Variants in STK32B observed in about 807,000 individuals in gnomAD.
STK32B encodes the protein serine/threonine kinase 32B, also known as serine/threonine-protein kinase 32B.
A neutral mutation model predicts 52.6 loss-of-function variants in STK32B; 43 were observed. The ratio of observed to expected loss-of-function variants is 0.82; its 90% CI spans 0.64 to 1.05. The LOEUF is 1.05. Ranked by LOEUF, STK32B falls within the 50% of genes least tolerant of loss-of-function variation. The pLI is 0.00. For missense variants in STK32B, 621 were observed against 534.6 expected, an observed-to-expected ratio of 1.16 and a Z score of -1.59; for synonymous variants, 238 against 204.3, an observed-to-expected ratio of 1.17 and a Z score of -1.41.
At chr4:5,314,587 T>A (rs1284829754) in intron 3 of STK32B, among the ~76,000 whole-genome samples, 1 of 152,150 alleles carries the variant, frequency 6.6e-6, no homozygotes, top group East Asian at 1.9e-4. Flanking sequence ...GGAGAATCAC[T>A]TGAACCCAGG....
chr4:5,050,110 T>A (rs1741705962), upstream of STK32B, among the ~76,000 whole-genome samples: 1 of 152,216 alleles, frequency 6.6e-6, no homozygotes, highest in Admixed American at 6.5e-5. Flanking sequence ...AGGGGCCAGC[T>A]CTGTGTTCAG....
intron 3 of STK32B, among the ~76,000 whole-genome samples, chr4:5,298,176 C>T (rs1729326962): frequency 6.6e-6 from 1 of 152,170 alleles, no homozygotes; most frequent in South Asian, 2.1e-4. Flanking sequence ...CAGAGGGCCA[C>T]CGGCCAGATG....
At chr4:5,434,418 A>G (rs780097495) in intron 6 of STK32B, among the ~76,000 whole-genome samples, 40 of 147,294 alleles carry the variant, frequency 2.7e-4, no homozygotes, top group Non-Finnish European at 4.0e-4. Flanking sequence ...AGTATATGCT[A>G]TATGTGTGCA....
chr4:5,106,366 A>G (rs1272078118), intron 1 of STK32B, among the ~76,000 whole-genome samples: 1 of 152,176 alleles, frequency 6.6e-6, no homozygotes, highest in African/African-American at 2.4e-5. Context: ...AAATGCTTCT[A>G]AAGTTTTAAC....
intron 4 of STK32B, among the ~76,000 whole-genome samples, chr4:5,361,654 A>C (rs747567110): frequency 5.9e-5 from 9 of 152,322 alleles, no homozygotes; most frequent in Middle Eastern, 3.4e-3. Flanking sequence ...GGCCTATTTC[A>C]ATTTTTTTTG....
chr4:5,213,438 T>G (rs1476314383), intron 3 of STK32B, among the ~76,000 whole-genome samples: 1 of 152,244 alleles, frequency 6.6e-6, no homozygotes, highest in African/African-American at 2.4e-5. Context: ...TCTGTTGGGA[T>G]TGGAGCCTAA....
At chr4:5,474,172 G>T (rs1185341314) in intron 11 of STK32B, among the ~76,000 whole-genome samples, 1 of 152,110 alleles carries the variant, frequency 6.6e-6, no homozygotes, top group Non-Finnish European at 1.5e-5. Context: ...GGCCTCCCTG[G>T]AGAACTCTGG....
intron 8 of STK32B, among the ~76,000 whole-genome samples, chr4:5,459,475 T>G (rs1027101763): frequency 6.6e-6 from 1 of 152,220 alleles, no homozygotes; most frequent in Non-Finnish European, 1.5e-5. Context: ...GGCCTCTGTC[T>G]TTTCATTCTT....
chr4:5,292,660 A>G (rs982785086), intron 3 of STK32B, among the ~76,000 whole-genome samples: 3 of 151,942 alleles, frequency 2.0e-5, no homozygotes, highest in Non-Finnish European at 4.4e-5. Flanking sequence ...TTAGGTCACA[A>G]TTGTCAATTT....
At chr4:5,432,088 A>G (rs1713634338) in intron 6 of STK32B, among the ~76,000 whole-genome samples, 1 of 152,226 alleles carries the variant, frequency 6.6e-6, no homozygotes, top group African/African-American at 2.4e-5. Context: ...CTTTGTGTCA[A>G]TCTCTGAAGT....
chr4:5,065,215 A>G (rs540902674), intron 1 of STK32B, among the ~76,000 whole-genome samples: 3 of 152,254 alleles, frequency 2.0e-5, no homozygotes, highest in Non-Finnish European at 4.4e-5. Context: ...AATTCCAAGA[A>G]CTGTCAACCA....
chr4:5,465,513 A>T (rs1432201746), intron 9 of STK32B, among the ~76,000 whole-genome samples: 1 of 152,154 alleles, frequency 6.6e-6, no homozygotes, highest in East Asian at 1.9e-4. Flanking sequence ...ATTGGGTTCA[A>T]GGCCAGGAAT....
At chr4:5,298,869 G>T (rs1361226601) in intron 3 of STK32B, among the ~76,000 whole-genome samples, 1 of 151,928 alleles carries the variant, frequency 6.6e-6, no homozygotes, top group Non-Finnish European at 1.5e-5. Flanking sequence ...AGCTAGCTCA[G>T]TGTCTGCCCA....
At chr4:5,021,800 ATGAG>A in the STK32B span, among the ~76,000 whole-genome samples, 1 of 152,176 alleles carries the variant, frequency 6.6e-6, no homozygotes, top group Non-Finnish European at 1.5e-5. Flanking sequence ...ATGAGAATGA[ATGAG>A]TAAGTGGCTG....
chr4:5,329,314 C>A (rs1330108376), intron 3 of STK32B, among the ~76,000 whole-genome samples: 1 of 152,172 alleles, frequency 6.6e-6, no homozygotes, highest in African/African-American at 2.4e-5. Context: ...TCCACTCCTG[C>A]CCATCCATGT....
chr4:5,175,021 A>G (rs929237407), intron 3 of STK32B, among the ~76,000 whole-genome samples: 2 of 151,732 alleles, frequency 1.3e-5, no homozygotes, highest in African/African-American at 4.8e-5. Context: ...TTTTTCTCTA[A>G]AGTTCCCTTC....
At chr4:5,020,170 T>G in the STK32B span, among the ~76,000 whole-genome samples, 1 of 152,160 alleles carries the variant, frequency 6.6e-6, no homozygotes, top group Non-Finnish European at 1.5e-5. Flanking sequence ...CAGGAAGGGT[T>G]AGTTTTCAAG....
intron 9 of STK32B, 139 bp from the exon 10 acceptor site, chr4:5,466,564 A>G (rs1207606898): frequency 8.5e-7 from 1 of 1,182,150 alleles, no homozygotes; most frequent in Non-Finnish European, 1.1e-6. Flanking sequence ...AGAAAACAGA[A>G]ACAAAGGTAA....
intron 4 of STK32B, among the ~76,000 whole-genome samples, chr4:5,368,428 C>T (rs1443707573): frequency 5.9e-5 from 9 of 151,284 alleles, no homozygotes; most frequent in Non-Finnish European, 1.3e-4. Flanking sequence ...CTAATCCTCA[C>T]ACAACGTCAT....
Sources: allele counts gnomAD v4.1 joint callset (sites outside exome capture counted in the v4.1 genomes callset), GRCh38; gene constraint gnomAD v4.1.1; transcripts MANE v1.5; gene names NCBI Gene and HGNC (gene_info 2026-07-23, HGNC 2026-07-21).